Variants in LARS1 observed in about 807,000 individuals in gnomAD.
The protein encoded by LARS1 is leucine--tRNA ligase, cytoplasmic.
Under a neutral mutation model 162.8 loss-of-function variants are expected in LARS1, and 100 were observed. The observed-to-expected ratio is 0.61, with a 90% CI of 0.52 to 0.73. The LOEUF (loss-of-function observed/expected upper bound fraction) is 0.73, where lower values mean the gene tolerates loss of function less well. LARS1 is among the 30% of genes least tolerant of loss of function. The probability of loss-of-function intolerance (pLI) is 0.00; values close to 1 mark genes in which losing one functional copy is unlikely to be tolerated. For missense variants in LARS1, 1,258 were observed against 1,408.9 expected (o/e 0.89, Z 1.71); for synonymous variants, 457 against 462.8 (o/e 0.99, Z 0.16).
In LARS1 at chr5:146,182,510, CTG is replaced by C; in HGVS notation, c.-19_-18del. ...CACCGCCATTGCACCGCCCAGCCGA[CTG>C]TGCAAATCCACGACAATGACCCTGG... is the stretch of plus-strand genomic sequence containing the variant. On this transcript the variant is annotated 5_prime_UTR_variant, in exon 1 of 32. Coordinates refer to ENST00000394434, the MANE Select transcript of LARS1 (RefSeq NM_020117.11). 1 of 1,613,994 alleles carries C rather than the reference CTG, an allele frequency of 6.2e-7. No individual in the cohort carries two copies. The highest frequency in any genetic ancestry group is 8.5e-7 in the Non-Finnish European group (1 of 1,179,892).
intron 5 of LARS1, among the ~76,000 whole-genome samples, chr5:146,165,152 G>A (rs1351765093): frequency 1.3e-5 from 2 of 152,054 alleles, no homozygotes; most frequent in Admixed American, 1.3e-4. Flanking sequence ...TGGCCAATGT[G>A]GTGAAACCCC....
At chr5:146,178,636 C>T (rs1275925649) in intron 1 of LARS1, among the ~76,000 whole-genome samples, 2 of 151,880 alleles carry the variant, frequency 1.3e-5, no homozygotes, top group Non-Finnish European at 2.9e-5. Context: ...AAAAAAATAC[C>T]TGGACTCTTT....
intron 21 of LARS1, among the ~76,000 whole-genome samples, chr5:146,139,199 C>T (rs924542702): frequency 7.2e-5 from 11 of 151,862 alleles, no homozygotes; most frequent in East Asian, 1.9e-4. Context: ...AAAAATTAGC[C>T]GGGCATGGTG....
chr5:146,132,612 G>C (rs996033570), intron 23 of LARS1: 1 of 232,890 alleles, frequency 4.3e-6, no homozygotes. Context: ...CTAGCTTTAA[G>C]GCATTTAAGG....
intron 24 of LARS1, 101 bp from the exon 25 acceptor site, chr5:146,130,259 T>C (rs1752222500): frequency 8.8e-7 from 1 of 1,130,958 alleles, no homozygotes; most frequent in Admixed American, 2.3e-5. Flanking sequence ...TTTAAGTTTC[T>C]AGTCTTTTAA....
chr5:146,130,310 T>A, intron 24 of LARS1, 152 bp from the exon 25 acceptor site: 1 of 736,716 alleles, frequency 1.4e-6, no homozygotes, highest in South Asian at 1.9e-5. Flanking sequence ...ACTTTAAGAA[T>A]CTGCAAGTAT....
intron 3 of LARS1, among the ~76,000 whole-genome samples, chr5:146,172,324 T>A (rs1754319591): frequency 6.6e-6 from 1 of 152,120 alleles, no homozygotes; most frequent in Admixed American, 6.6e-5. Flanking sequence ...GAGACCATCC[T>A]GGCCAATATG....
intron 4 of LARS1, among the ~76,000 whole-genome samples, chr5:146,168,817 T>A (rs1754133593): frequency 6.6e-6 from 1 of 152,022 alleles, no homozygotes; most frequent in African/African-American, 2.4e-5. Context: ...TTCAATATAG[T>A]ATACTATATA....
chr5:146,172,511 T>C (rs1182407234), intron 3 of LARS1, among the ~76,000 whole-genome samples, 176 bp downstream of exon 3: 7 of 151,876 alleles, frequency 4.6e-5, no homozygotes, highest in African/African-American at 1.5e-4. Context: ...CAAGACTCCA[T>C]CTCAAAAATA....
chr5:146,115,422 T>C (rs923483811), intron 31 of LARS1, among the ~76,000 whole-genome samples: 1 of 151,862 alleles, frequency 6.6e-6, no homozygotes, highest in African/African-American at 2.4e-5. Flanking sequence ...AAAGTATTTG[T>C]ATTAACAAGT....
chr5:146,130,560 A>T (rs34794547), intron 24 of LARS1: 43,891 of 188,508 alleles, frequency 0.23, 6,249 homozygotes, highest in Admixed American at 0.34. Flanking sequence ...GTTATATAAA[A>T]CTCAATGTGA....
chr5:146,164,108 A>C (rs1753897830), intron 6 of LARS1, among the ~76,000 whole-genome samples: 1 of 152,242 alleles, frequency 6.6e-6, no homozygotes, highest in African/African-American at 2.4e-5. Context: ...TAAAGTTTGA[A>C]ATATTAAAAT....
chr5:146,129,889 C>A, intron 25 of LARS1, 129 bp downstream of exon 25: 1 of 912,518 alleles, frequency 1.1e-6, no homozygotes, highest in Non-Finnish European at 1.6e-6. Context: ...AATTATGATG[C>A]TGAATCCAGC....
intron 12 of LARS1, 65 bp downstream of exon 12, chr5:146,153,669 G>T: frequency 7.8e-7 from 1 of 1,281,800 alleles, no homozygotes; most frequent in Non-Finnish European, 1.1e-6. Context: ...CCACAGCGTA[G>T]TTCAGCAGCA....
chr5:146,182,280 AT>A, intron 1 of LARS1: 1 of 650,290 alleles, frequency 1.5e-6, no homozygotes, highest in South Asian at 1.9e-5. Flanking sequence ...AATAACAAAT[AT>A]GATATCCAAG....
At chr5:146,166,367 A>G (rs1754003037) in intron 5 of LARS1, among the ~76,000 whole-genome samples, 1 of 152,202 alleles carries the variant, frequency 6.6e-6, no homozygotes, top group Non-Finnish European at 1.5e-5. Flanking sequence ...AAAAAGAACA[A>G]TTTGACAACA....
chr5:146,150,124 A>G (rs773322493), intron 14 of LARS1, among the ~76,000 whole-genome samples: 1 of 152,112 alleles, frequency 6.6e-6, no homozygotes, highest in Non-Finnish European at 1.5e-5. Flanking sequence ...TTGCCTGACC[A>G]TGTGATAAAG....
chr5:146,146,958 G>A lies in LARS1; in HGVS notation c.1504-2249C>T, dbSNP rs117704229. Among the ~76,000 whole-genome samples the A allele has an allele frequency of 5.9e-4, 90 of 151,814 alleles. 2 individuals are homozygous for A. In the East Asian group the frequency reaches 0.016, roughly 27 times the overall value. On this transcript the variant is annotated intron_variant, in intron 15 of 31. Transcript: ENST00000394434. ...CAAACTTGACCTCAAGTGATCCACCGGTCTCAGCCTCCCAAAGTACTGGGA... is the reference window on the plus strand; with the variant it reads ...CAAACTTGACCTCAAGTGATCCACCAGTCTCAGCCTCCCAAAGTACTGGGA...
In LARS1 at chr5:146,126,457, A is replaced by C; in HGVS notation, c.2969T>G (p.Met990Arg). Residue 990 changes from methionine (M) to arginine (R), a missense_variant, in exon 28 of 32, where the codon ATG (methionine) becomes AGG (arginine). Transcript: ENST00000394434. ...PELKKYMKKV[M>R]PFVAMIKENL... The stretch of plus-strand genomic sequence containing the variant: ...TACCTTAATCATGGCAACAAATGGC[A>C]TGACTTTCTTCATGTATTTCTTCAG... 1 of 1,610,972 alleles carries C rather than the reference A, an allele frequency of 6.2e-7. No individual in the cohort carries two copies. Among genetic ancestry groups the C allele is most frequent in the Non-Finnish European group, 8.5e-7 (1 of 1,177,572 alleles).
Sources: allele counts gnomAD v4.1 joint callset (sites outside exome capture counted in the v4.1 genomes callset), GRCh38; gene constraint gnomAD v4.1.1; transcripts MANE v1.5; gene names NCBI Gene and HGNC (gene_info 2026-07-23, HGNC 2026-07-21).